RELN: variants seen among roughly 807,000 people sequenced by gnomAD.
RELN encodes the protein reelin.
Under a neutral mutation model 427.6 loss-of-function variants are expected in RELN, and 108 were observed. The observed-to-expected ratio is 0.25, with a 90% CI of 0.22 to 0.30. The LOEUF (loss-of-function observed/expected upper bound fraction) is 0.30. RELN is among the 10% of genes least tolerant of loss of function. The pLI, the probability that RELN is intolerant of heterozygous loss-of-function variation, is 1.00. For missense variants in RELN, 3,715 were observed against 4,302.8 expected (o/e 0.86, Z 3.82); for synonymous variants, 1,524 against 1,513.4 (o/e 1.01, Z -0.16).
rs375317967 is a variant in RELN at position 103,519,897 on chromosome 7, C to T, written c.7669-381G>A. 4.6e-5 allele frequency among the ~76,000 whole-genome samples: 7 copies of T among 152,170 alleles called. No individual in the cohort carries two copies. The East Asian group carries it at 9.6e-4, about 21-fold the overall frequency. On this transcript the variant is annotated intron_variant, in intron 48 of 64. Coordinates refer to ENST00000428762, the MANE Select transcript of RELN (RefSeq NM_005045.4). ...TGATACCAGCCACATAGTATTGTGG[C>T]ACTGATTTTCTTACCCTCTTTCTTA...
intron 2 of RELN, among the ~76,000 whole-genome samples, chr7:103,884,930 G>A (rs13236829): frequency 1.3e-5 from 2 of 151,998 alleles, no homozygotes; most frequent in African/African-American, 2.4e-5. Flanking sequence ...CCCATCACTC[G>A]GTATATACCC....
chr7:103,948,337 T>C (rs1796261018), intron 1 of RELN, among the ~76,000 whole-genome samples: 2 of 152,280 alleles, frequency 1.3e-5, no homozygotes, highest in East Asian at 1.9e-4. Flanking sequence ...TAAGTATGTC[T>C]ATTTTTTTAA....
rs1043142319 is a variant in RELN at position 103,528,685 on chromosome 7, C to T, written c.7350-5154G>A. ...CTGGGATTACAGGCATGCACCACCG[C>T]GCCCGGCTAATTTTTGTATTTTTAG... On this transcript the variant is annotated intron_variant, in intron 46 of 64. Coordinates refer to ENST00000428762, the MANE Select transcript of RELN (RefSeq NM_005045.4). 4.0e-5 allele frequency among the ~76,000 whole-genome samples: 6 copies of T among 151,806 alleles called. No individual in the cohort carries two copies. The East Asian group carries it at 5.8e-4, about 15-fold the overall frequency.
At chr7:103,781,047 A>T (rs1219494801) in intron 3 of RELN, among the ~76,000 whole-genome samples, 1 of 152,156 alleles carries the variant, frequency 6.6e-6, no homozygotes, top group Non-Finnish European at 1.5e-5. Context: ...CCCTCAGATA[A>T]CATTTTAATC....
intron 1 of RELN, among the ~76,000 whole-genome samples, chr7:103,982,113 C>T (rs1797002456): frequency 6.6e-6 from 1 of 152,008 alleles, no homozygotes; most frequent in South Asian, 2.1e-4. Flanking sequence ...TTACAGTGAG[C>T]CGAAAAGGTG....
At chr7:103,936,614 T>A (rs980776186) in intron 1 of RELN, among the ~76,000 whole-genome samples, 2 of 152,074 alleles carry the variant, frequency 1.3e-5, no homozygotes, top group African/African-American at 4.8e-5. Context: ...TCTTGAACAA[T>A]AAATGCCCTC....
chr7:103,713,979 T>G (rs1487614549), intron 8 of RELN, among the ~76,000 whole-genome samples: 1 of 152,176 alleles, frequency 6.6e-6, no homozygotes, highest in Non-Finnish European at 1.5e-5. Flanking sequence ...GATCTACTGT[T>G]AAGTAGAGCA....
chr7:103,563,819 T>C lies in RELN; in HGVS notation c.5210+1459A>G, dbSNP rs1305919140. Among the ~76,000 whole-genome samples the C allele has an allele frequency of 6.6e-6, 1 of 152,242 alleles. No individual in the cohort carries two copies. The highest frequency in any genetic ancestry group is 2.4e-5 in the African/African-American group (1 of 41,468). ...TCCTATGTTTAGATATGTTTAGATA[T>C]ACAAATACTTGGAATTATGTTACAA... On this transcript the variant is annotated intron_variant, in intron 34 of 64. Coordinates refer to ENST00000428762, the MANE Select transcript of RELN (RefSeq NM_005045.4). This position sits in a 1 kb window ranked among gnomAD's most constrained non-coding sequence, Gnocchi z 4.1.
chr7:103,658,575 A>C (rs2117405585), intron 12 of RELN, among the ~76,000 whole-genome samples: 1 of 151,976 alleles, frequency 6.6e-6, no homozygotes, highest in South Asian at 2.1e-4. Context: ...CATCTATCCC[A>C]TCCTAAAAAC....
At chr7:103,487,237 T>TCA (rs1182828646) in intron 60 of RELN, among the ~76,000 whole-genome samples, 1 of 151,852 alleles carries the variant, frequency 6.6e-6, no homozygotes, top group Non-Finnish European at 1.5e-5. Context: ...CAGGGGAACA[T>TCA]CACACACTGG....
In RELN at chr7:103,677,681, A is replaced by G. The variant is rs186150502; in HGVS notation, c.1289+4435T>C. 1.7e-3 allele frequency among the ~76,000 whole-genome samples: 248 copies of G among 144,996 alleles called. 2 individuals carry two copies. The highest frequency in any genetic ancestry group is 5.9e-3 in the Admixed American group (83 of 14,020). On this transcript the variant is annotated intron_variant, in intron 11 of 64. Coordinates refer to ENST00000428762, the MANE Select transcript of RELN (RefSeq NM_005045.4). ...CTGGGGAGGCTGAGAGACGAGAATC[A>G]CTGAAACCCAGGAGGCGGAGGTTGC...
chr7:103,884,761 A>G (rs776694504), intron 2 of RELN, among the ~76,000 whole-genome samples: 2 of 152,226 alleles, frequency 1.3e-5, no homozygotes, highest in African/African-American at 2.4e-5. Context: ...TAGAACAGCA[A>G]TCATTAAAAA....
At chr7:103,850,113 T>C (rs1386048374) in intron 2 of RELN, among the ~76,000 whole-genome samples, 1 of 152,208 alleles carries the variant, frequency 6.6e-6, no homozygotes, top group African/African-American at 2.4e-5. Context: ...GTGTTATGAC[T>C]TTTTCTATCC....
At chr7:103,490,272 G>T (rs1828604497) in intron 59 of RELN, among the ~76,000 whole-genome samples, 1 of 152,180 alleles carries the variant, frequency 6.6e-6, no homozygotes, top group Non-Finnish European at 1.5e-5. Flanking sequence ...TAACCTGTCA[G>T]CCCTGCACAC....
intron 1 of RELN, among the ~76,000 whole-genome samples, chr7:103,940,038 G>A (rs1329807525): frequency 1.3e-5 from 2 of 152,072 alleles, no homozygotes; most frequent in East Asian, 1.9e-4. Flanking sequence ...CTATATCCAT[G>A]ATATACATTA....
intron 22 of RELN, among the ~76,000 whole-genome samples, chr7:103,608,460 A>G (rs1831870084): frequency 6.6e-6 from 1 of 152,142 alleles, no homozygotes; most frequent in African/African-American, 2.4e-5. Context: ...GCAGAATTAA[A>G]TTACTTGTTA....
At position 103,495,680 on chromosome 7, in the gene RELN, A is replaced by G. The variant is rs751864254; in HGVS notation, c.9369+43T>C. The G allele has an allele frequency of 3.8e-6, 6 of 1,592,384 alleles. No individual in the cohort carries two copies. In the South Asian group the frequency reaches 5.5e-5, roughly 15 times the overall value. ...CTAACCATTCTCCCTCGAGGCCCCA[A>G]ATGCAATGCTACTTTCTGTTTTAAA... On this transcript the variant is annotated intron_variant, in intron 57 of 64. Coordinates refer to ENST00000428762, the MANE Select transcript of RELN (RefSeq NM_005045.4).
intron 2 of RELN, among the ~76,000 whole-genome samples, chr7:103,863,861 C>G (rs950609578): frequency 1.3e-5 from 2 of 151,676 alleles, no homozygotes; most frequent in Non-Finnish European, 2.9e-5. Flanking sequence ...TTTTGCAGCA[C>G]TGGAAGAAAT....
Position 103,827,137 on chromosome 7 carries a change from T to C in RELN, c.473+6400A>G, listed in dbSNP as rs114317519. On this transcript the variant is annotated intron_variant, in intron 3 of 64. Transcript: ENST00000428762. Reference sequence around the variant, plus strand: ...CTATTTGCTGCGGCATAAAATTCCATAGAAACAGGTACATCTTTGGACTGT... The same window carrying C: ...CTATTTGCTGCGGCATAAAATTCCACAGAAACAGGTACATCTTTGGACTGT... Among the ~76,000 whole-genome samples the C allele has an allele frequency of 1.6e-3, 250 of 152,034 alleles. 1 individual carries two copies. The highest frequency in any genetic ancestry group is 5.4e-3 in the African/African-American group (224 of 41,496).
Sources: gnomAD v4.1 joint callset for allele counts (sites outside exome capture counted in the v4.1 genomes callset) on GRCh38, gnomAD v4.1.1 for gene constraint, Gnocchi (gnomAD v3.1) non-coding constraint, MANE v1.5 for transcripts, NCBI Gene and HGNC (gene_info 2026-07-23, HGNC 2026-07-21) for gene names.